The following FBXW4 variants were observed in gnomAD, a reference collection of about 807,000 sequenced individuals.
FBXW4 encodes the protein F-box and WD repeat domain containing 4, also known as F-box/WD repeat-containing protein 4.
Under a neutral mutation model 61.8 loss-of-function variants are expected in FBXW4, and 40 were observed. That is an observed-to-expected ratio of 0.65 (90% CI 0.50 to 0.84). The LOEUF is 0.84. FBXW4 is among the 40% of genes least tolerant of loss of function. FBXW4 has a pLI of 0.00. For synonymous variants in FBXW4, 311 were observed against 313.8 expected, an observed-to-expected ratio of 0.99 and a Z score of 0.10; for missense variants, 672 against 753.8, an observed-to-expected ratio of 0.89 and a Z score of 1.27.
At chr10:101,667,851 C>T in intron 5 of FBXW4, 35 bp downstream of exon 5, 3 of 1,555,830 alleles carry the variant, frequency 1.9e-6, no homozygotes, top group Non-Finnish European at 2.7e-6. Flanking sequence ...CATTATTATA[C>T]AGGACAAAAC....
In FBXW4 at chr10:101,611,854, G is replaced by T. The variant is rs2063789332; in HGVS notation, c.1443-85C>A. On this transcript the variant is annotated intron_variant, in intron 7 of 8. Coordinates refer to ENST00000331272, the MANE Select transcript of FBXW4 (RefSeq NM_022039.4). The surrounding 1 kb of genome is among the most constrained non-coding windows in gnomAD (Gnocchi z 4.9). ...TTTCTTGGGCCTAGAGTGGCTGAGG[G>T]GAGCGTTAAGGAGCCATTCCGGGAT... 5 of 1,414,992 alleles carry T rather than the reference G, an allele frequency of 3.5e-6. No homozygotes were observed. In the Admixed American group the frequency reaches 1.2e-4, roughly 34 times the overall value. The allele number at this position is 1,414,992 out of a possible 1,614,324, so 87.7% of individuals were successfully genotyped here.
intron 5 of FBXW4, among the ~76,000 whole-genome samples, chr10:101,663,605 G>T (rs1026063890): frequency 6.6e-6 from 1 of 151,148 alleles, no homozygotes; most frequent in Non-Finnish European, 1.5e-5. Flanking sequence ...ATATATAATT[G>T]TGCCACTGCA....
chr10:101,651,165 A>C (rs2064142487), intron 5 of FBXW4, among the ~76,000 whole-genome samples: 1 of 152,030 alleles, frequency 6.6e-6, no homozygotes, highest in African/African-American at 2.4e-5. Flanking sequence ...CCTGGAACAC[A>C]CTGCACATGC....
intron 1 of FBXW4, among the ~76,000 whole-genome samples, chr10:101,686,473 G>A (rs2064534861): frequency 6.6e-6 from 1 of 151,524 alleles, no homozygotes; most frequent in Admixed American, 6.6e-5. Context: ...ACAATGGCAA[G>A]AAAGATGCGG....
chr10:101,621,110 T>G (rs893670825), intron 6 of FBXW4, among the ~76,000 whole-genome samples: 2 of 152,106 alleles, frequency 1.3e-5, no homozygotes, highest in Non-Finnish European at 2.9e-5. Flanking sequence ...AAGTAAAAAC[T>G]TTCATCAGAA....
intron 5 of FBXW4, among the ~76,000 whole-genome samples, chr10:101,642,603 T>G (rs1237799100): frequency 6.6e-6 from 1 of 152,118 alleles, no homozygotes; most frequent in African/African-American, 2.4e-5. Flanking sequence ...CTCAGGACTT[T>G]GTCAACAGCC....
intron 6 of FBXW4, among the ~76,000 whole-genome samples, chr10:101,613,332 C>T (rs1026976839): frequency 3.3e-5 from 5 of 152,342 alleles, no homozygotes; most frequent in Middle Eastern, 3.4e-3. Flanking sequence ...CCCGCTAATC[C>T]CTGCAGCCAG....
At chr10:101,650,672 T>C (rs1354713690) in intron 5 of FBXW4, among the ~76,000 whole-genome samples, 1 of 152,190 alleles carries the variant, frequency 6.6e-6, no homozygotes, top group African/African-American at 2.4e-5. Context: ...GGGGGAATCC[T>C]TTGCCAGCCA....
Position 101,667,949 on chromosome 10 carries a change from T to C in FBXW4, c.1172A>G (p.Gln391Arg), listed in dbSNP as rs772602863. 1 of 1,614,200 alleles carries C rather than the reference T, an allele frequency of 6.2e-7. No individual in the cohort carries two copies. Among genetic ancestry groups the C allele is most frequent in the Admixed American group, 1.7e-5 (1 of 60,032 alleles). Residue 391 changes from glutamine (Q) to arginine (R), a missense_variant, in exon 5 of 9, where the codon CAG becomes CGG. Around this residue, in one of 5 missense-constraint regions of FBXW4, gnomAD observed 312 missense variants for 370.1 expected, o/e 0.84. Transcript: ENST00000331272. ...VWPLASGRLG[Q>R]CLHTIQTEDR... is the part of the protein sequence containing the mutation. ...TTCAGTCTGGATGGTGTGTAAGCAC[T>C]GCCCCAGCCGGCCTGAGGCCAAAGG...
At chr10:101,691,223 G>A (rs2064597780) in intron 1 of FBXW4, among the ~76,000 whole-genome samples, 1 of 152,110 alleles carries the variant, frequency 6.6e-6, no homozygotes, top group Non-Finnish European at 1.5e-5. Flanking sequence ...TTGGGCCCGG[G>A]TTCGCTGACT....
chr10:101,659,044 T>C (rs1458439906), intron 5 of FBXW4, among the ~76,000 whole-genome samples: 1 of 151,926 alleles, frequency 6.6e-6, no homozygotes, highest in East Asian at 2.0e-4. Context: ...AAGCAGGCTA[T>C]AGAGATCAGT....
intron 5 of FBXW4, among the ~76,000 whole-genome samples, chr10:101,666,950 G>A (rs1345669966): frequency 6.6e-6 from 1 of 150,804 alleles, no homozygotes; most frequent in Non-Finnish European, 1.5e-5. Context: ...CCATTTCTAG[G>A]GCTGGGCACA....
At chr10:101,615,706 A>C (rs1312753758) in intron 6 of FBXW4, among the ~76,000 whole-genome samples, 1 of 152,052 alleles carries the variant, frequency 6.6e-6, no homozygotes, top group Non-Finnish European at 1.5e-5. Flanking sequence ...TTTACATGAA[A>C]TGCTGACACC....
At chr10:101,634,185 C>T (rs2063982037) in intron 5 of FBXW4, among the ~76,000 whole-genome samples, 1 of 151,298 alleles carries the variant, frequency 6.6e-6, no homozygotes, top group South Asian at 2.1e-4. Flanking sequence ...TGTAGAATAT[C>T]TAAGAATAAA....
At chr10:101,645,659 G>A (rs536973452) in intron 5 of FBXW4, among the ~76,000 whole-genome samples, 1 of 152,322 alleles carries the variant, frequency 6.6e-6, no homozygotes, top group South Asian at 2.1e-4. Context: ...ATAGACGCTG[G>A]GGTGTTCAAG....
In FBXW4 at chr10:101,653,756, AAAAC is replaced by A. The variant is rs201180089; in HGVS notation, c.1235+14126_1235+14129del. Among the ~76,000 whole-genome samples, 170 of 152,328 alleles carry A rather than the reference AAAAC, an allele frequency of 1.1e-3. 1 individual carries two copies. In the East Asian group the frequency reaches 0.029, roughly 26 times the overall value. ...TTGCACTATAAGCTCCTACACGGTAAAAACAAACAGTCTCTTGTGTTTCATACTT... is the reference window on the plus strand; with the variant it reads ...TTGCACTATAAGCTCCTACACGGTAAAAACAGTCTCTTGTGTTTCATACTT... On this transcript the variant is annotated intron_variant, in intron 5 of 8. Coordinates refer to ENST00000331272, the MANE Select transcript of FBXW4 (RefSeq NM_022039.4).
At chr10:101,666,820 G>A (rs895675845) in intron 5 of FBXW4, among the ~76,000 whole-genome samples, 1 of 152,030 alleles carries the variant, frequency 6.6e-6, no homozygotes, top group African/African-American at 2.4e-5. Flanking sequence ...ACTTTGGGAG[G>A]CCAAGATGGG....
At chr10:101,621,472 G>A (rs893609630) in intron 6 of FBXW4, among the ~76,000 whole-genome samples, 1 of 152,188 alleles carries the variant, frequency 6.6e-6, no homozygotes, top group Non-Finnish European at 1.5e-5. Context: ...AGGCTGCGGT[G>A]AGCCGTGATG....
chr10:101,685,366 G>A (rs1361779281), intron 1 of FBXW4, among the ~76,000 whole-genome samples: 1 of 152,130 alleles, frequency 6.6e-6, no homozygotes, highest in Admixed American at 6.5e-5. Flanking sequence ...AACCATCACT[G>A]TGCAGACAAG....
Sources: allele counts gnomAD v4.1 joint callset (sites outside exome capture counted in the v4.1 genomes callset), GRCh38; gene constraint gnomAD v4.1.1; regional missense constraint gnomAD v4.1.1; non-coding constraint Gnocchi (gnomAD v3.1); transcripts MANE v1.5; gene names NCBI Gene and HGNC (gene_info 2026-07-23, HGNC 2026-07-21).